SVEP1: variants seen among roughly 807,000 people sequenced by gnomAD.
SVEP1 encodes sushi, von Willebrand factor type A, EGF and pentraxin domain containing 1, also known as sushi, von Willebrand factor type A, EGF and pentraxin domain-containing protein 1.
SVEP1 carries 164 observed loss-of-function variants against 367.3 expected under a neutral mutation model. That is an observed-to-expected ratio of 0.45 (90% CI 0.39 to 0.51). SVEP1 has a LOEUF of 0.51. Ranked by LOEUF, SVEP1 falls within the 20% of genes least tolerant of loss-of-function variation. SVEP1 has a pLI of 0.00. For synonymous variants in SVEP1, 1,666 were observed against 1,611.6 expected (o/e 1.03, Z -0.81); for missense variants, 4,117 against 4,425.3 (o/e 0.93, Z 1.98).
chr9:110,486,147 C>T (rs1196571153), intron 9 of SVEP1, among the ~76,000 whole-genome samples: 1 of 152,206 alleles, frequency 6.6e-6, no homozygotes, highest in East Asian at 1.9e-4. Flanking sequence ...ATGCTCATAG[C>T]AGGTCAGTGT....
At position 110,530,430 on chromosome 9, in the gene SVEP1, A is replaced by G. The variant is rs1830002768; in HGVS notation, c.964+15685T>C. The stretch of plus-strand genomic sequence containing the variant: ...TTACGGACACTTTGATACATGGAAT[A>G]GAATATGATGAAAAGTATACATAAG... On this transcript the variant is annotated intron_variant, in intron 3 of 47. Transcript: ENST00000374469. Among the ~76,000 whole-genome samples, 2 of 152,242 alleles carry G rather than the reference A, an allele frequency of 1.3e-5. 1 individual carries two copies. The highest frequency in any genetic ancestry group is 4.8e-5 in the African/African-American group (2 of 41,466).
At chr9:110,552,829 C>A (rs1265922183) in intron 1 of SVEP1, among the ~76,000 whole-genome samples, 1 of 152,120 alleles carries the variant, frequency 6.6e-6, no homozygotes, top group Non-Finnish European at 1.5e-5. Flanking sequence ...TAAAACTACT[C>A]CATTGGGTGG....
Position 110,471,341 on chromosome 9 carries a change from T to G in SVEP1, c.2998+23A>C, listed in dbSNP as rs1829014101. On this transcript the variant is annotated intron_variant, in intron 16 of 47. Coordinates refer to ENST00000374469, the MANE Select transcript of SVEP1 (RefSeq NM_153366.4). ...TTGACCCAGTATGCACCAAATATTT[T>G]TGATCACAGGGAACAGTCTTACCAC... 3 of 1,600,742 alleles carry G rather than the reference T, an allele frequency of 1.9e-6. No individual in the cohort carries two copies. The African/African-American group carries it at 4.0e-5, about 21-fold the overall frequency.
At chr9:110,559,521 GT>G (rs973095258) in intron 1 of SVEP1, among the ~76,000 whole-genome samples, 5 of 150,626 alleles carry the variant, frequency 3.3e-5, no homozygotes, top group African/African-American at 4.9e-5. Flanking sequence ...TAGTAACACT[GT>G]TTTTTTTTAA....
At chr9:110,542,591 A>G (rs1830165018) in intron 3 of SVEP1, among the ~76,000 whole-genome samples, 1 of 152,162 alleles carries the variant, frequency 6.6e-6, no homozygotes, top group South Asian at 2.1e-4. Context: ...ATAAAATTTA[A>G]TAACACATAA....
chr9:110,480,594 T>C (rs991983999), intron 12 of SVEP1, among the ~76,000 whole-genome samples: 1 of 152,166 alleles, frequency 6.6e-6, no homozygotes, highest in Non-Finnish European at 1.5e-5. Flanking sequence ...ATGTTAGATT[T>C]TATTTTAAAG....
At chr9:110,475,440 T>C (rs1829084183) in intron 14 of SVEP1, among the ~76,000 whole-genome samples, 1 of 152,156 alleles carries the variant, frequency 6.6e-6, no homozygotes, top group Non-Finnish European at 1.5e-5. Flanking sequence ...ACACAGCTAG[T>C]AGGTAGTGAG....
intron 3 of SVEP1, among the ~76,000 whole-genome samples, chr9:110,527,123 C>T (rs1829948738): frequency 6.6e-6 from 1 of 151,936 alleles, no homozygotes. Context: ...GAAACCATAT[C>T]GATGTCAATA....
intron 38 of SVEP1, among the ~76,000 whole-genome samples, 200 bp from the exon 39 acceptor site, chr9:110,404,752 C>T (rs1050880174): frequency 1.3e-5 from 2 of 152,126 alleles, no homozygotes; most frequent in Non-Finnish European, 2.9e-5. Context: ...GAGCTGGGTG[C>T]GGTGGCTCAT....
At chr9:110,425,172 T>C (rs1440459073) in intron 36 of SVEP1, among the ~76,000 whole-genome samples, 1 of 151,542 alleles carries the variant, frequency 6.6e-6, no homozygotes, top group Non-Finnish European at 1.5e-5. Context: ...CTAACAGTTA[T>C]TTTTTTTTCC....
chr9:110,445,632 CA>C (rs1212518410), intron 26 of SVEP1, among the ~76,000 whole-genome samples: 1 of 152,158 alleles, frequency 6.6e-6, no homozygotes, highest in Non-Finnish European at 1.5e-5. Context: ...TAGTAAACAG[CA>C]AAACACAATA....
chr9:110,432,182 C>T, intron 31 of SVEP1, 148 bp from the exon 32 acceptor site: 1 of 1,035,526 alleles, frequency 9.7e-7, no homozygotes. Context: ...GTCATAATCA[C>T]ATTGCAGATA....
At position 110,447,172 on chromosome 9, in the gene SVEP1, C is replaced by A. The variant is rs1252861258; in HGVS notation, c.4104-115G>T. 17 of 966,090 alleles carry A rather than the reference C, an allele frequency of 1.8e-5. No homozygotes were observed. In the South Asian group the frequency reaches 3.7e-4, roughly 21 times the overall value. 59.8% of individuals were successfully genotyped at this position (966,090 alleles called of 1,614,324 possible). Reference sequence around the variant, plus strand: ...GAAATGCTGGAACACATTTTCTACACCAAAACAGTGCTTTAATTGCAGGTT... The same window carrying A: ...GAAATGCTGGAACACATTTTCTACAACAAAACAGTGCTTTAATTGCAGGTT... On this transcript the variant is annotated intron_variant, in intron 24 of 47. Transcript: ENST00000374469.
At chr9:110,392,002 C>T (rs904589789) in intron 40 of SVEP1, among the ~76,000 whole-genome samples, 1 of 151,862 alleles carries the variant, frequency 6.6e-6, no homozygotes, top group Non-Finnish European at 1.5e-5. Flanking sequence ...CAGGGTTTTA[C>T]ATCATCAGCT....
intron 3 of SVEP1, among the ~76,000 whole-genome samples, chr9:110,543,019 G>C (rs1405935788): frequency 1.3e-5 from 2 of 150,312 alleles, no homozygotes; most frequent in African/African-American, 4.9e-5. Context: ...GGGGCTCACT[G>C]CTTCCAGATT....
At chr9:110,416,148 C>T (rs2118520581) in intron 36 of SVEP1, among the ~76,000 whole-genome samples, 1 of 152,036 alleles carries the variant, frequency 6.6e-6, no homozygotes, top group South Asian at 2.1e-4. Context: ...CACACACAAA[C>T]ATATTTTCCA....
At chr9:110,551,587 G>C (rs917209818) in intron 1 of SVEP1, among the ~76,000 whole-genome samples, 3 of 152,196 alleles carry the variant, frequency 2.0e-5, no homozygotes, top group African/African-American at 7.2e-5. Context: ...GGTGGCTTCT[G>C]CGACGGAGTA....
intron 36 of SVEP1, among the ~76,000 whole-genome samples, chr9:110,427,302 CAAAAAAAA>C (rs61616981): frequency 3.7e-5 from 3 of 81,936 alleles, no homozygotes; most frequent in South Asian, 4.3e-4. Context: ...GACTCTGTCT[CAAAAAAAA>C]AAAAAAAAAA....
rs762155273 is a variant in SVEP1, at chr9:110,455,688, G to A, written c.3689C>T (p.Thr1230Ile). 2.5e-6 allele frequency: 4 copies of A among 1,611,194 alleles called. No individual in the cohort carries two copies. The African/African-American group carries it at 4.0e-5, about 16-fold the overall frequency. Residue 1230 changes from threonine (T) to isoleucine (I), a missense_variant, in exon 22 of 48, where the codon ACA becomes ATA. By Grantham distance (89) the Thr-to-Ile change is moderately conservative. Coordinates refer to ENST00000374469, the MANE Select transcript of SVEP1 (RefSeq NM_153366.4). ...PLGYTGLKCETDIDECSPLPC... is the reference protein window; with the variant it reads ...PLGYTGLKCEIDIDECSPLPC... ...CAGTGGGCTGCACTCATCGATGTCT[G>A]TTTCACACTTTAAGCCTACAATGTA...
Sources: allele counts gnomAD v4.1 joint callset (sites outside exome capture counted in the v4.1 genomes callset), GRCh38; gene constraint gnomAD v4.1.1; transcripts MANE v1.5; gene names NCBI Gene and HGNC (gene_info 2026-07-23, HGNC 2026-07-21).